Variants in FANCA observed in about 807,000 individuals in gnomAD.
FANCA encodes the protein FA complementation group A.
Under a neutral mutation model 194.3 loss-of-function variants are expected in FANCA, and 236 were observed. The observed-to-expected ratio is 1.21, with a 90% confidence interval of 1.09 to 1.35. The LOEUF is 1.35. Ranked by LOEUF, FANCA falls within the 40% of genes most tolerant of loss-of-function variation. The pLI is 0.00. For missense variants in FANCA, 2,628 were observed against 1,813.9 expected (o/e 1.45, Z -8.15); for synonymous variants, 1,014 against 715.8 (o/e 1.42, Z -6.65).
At position 89,798,911 on chromosome 16, in the gene FANCA, G is replaced by C. The variant is rs182022926; in HGVS notation, c.893+255C>G. On this transcript the variant is annotated intron_variant, in intron 10 of 42. Coordinates refer to ENST00000389301, the MANE Select transcript of FANCA (RefSeq NM_000135.4). ...AGTGAGTGGGACAAACATTGGTGCA[G>C]GACTTCCAGAGGCGGAACAGGATAC... The C allele has an allele frequency of 2.5e-6, 4 of 1,597,260 alleles. No homozygotes were observed. In the East Asian group the frequency reaches 8.9e-5, roughly 36 times the overall value.
chr16:89,794,883 C>T (rs923978402), intron 11 of FANCA, among the ~76,000 whole-genome samples: 5 of 152,178 alleles, frequency 3.3e-5, no homozygotes, highest in Admixed American at 2.6e-4. Flanking sequence ...AGAACCATGA[C>T]ACAGTCACAG....
intron 11 of FANCA, among the ~76,000 whole-genome samples, chr16:89,795,519 T>G (rs186108782): frequency 6.6e-6 from 1 of 151,768 alleles, no homozygotes; most frequent in African/African-American, 2.4e-5. Context: ...GCGCCTGTAG[T>G]CCCAGCTACT....
At chr16:89,745,446 A>C (rs527456185) in intron 35 of FANCA, among the ~76,000 whole-genome samples, 1 of 147,098 alleles carries the variant, frequency 6.8e-6, no homozygotes, top group Non-Finnish European at 1.5e-5. Flanking sequence ...AAGGGACCAC[A>C]CTCCTCTGAG....
At chr16:89,798,289 C>G (rs1449033502) in intron 10 of FANCA, 6 of 965,878 alleles carry the variant, frequency 6.2e-6, no homozygotes, top group Non-Finnish European at 6.2e-6. Flanking sequence ...ACACATCTGC[C>G]GTCCACACCG....
At chr16:89,779,771 C>T (rs1390737458) in intron 18 of FANCA, 98 bp downstream of exon 18, 3 of 1,016,492 alleles carry the variant, frequency 3.0e-6, no homozygotes, top group Non-Finnish European at 4.6e-6. Flanking sequence ...TCTGCACACC[C>T]TGCAGGCATC....
chr16:89,774,380 G>A (rs571203777), intron 21 of FANCA, among the ~76,000 whole-genome samples: 1 of 152,100 alleles, frequency 6.6e-6, no homozygotes, highest in Non-Finnish European at 1.5e-5. Flanking sequence ...TCACACCGCA[G>A]GGTACACAGC....
chr16:89,779,845 G>C, intron 18 of FANCA, 24 bp downstream of exon 18: 1 of 1,604,184 alleles, frequency 6.2e-7, no homozygotes, highest in South Asian at 1.1e-5. Flanking sequence ...AGCTGCTAGA[G>C]GCCTTTTCGG....
intron 37 of FANCA, among the ~76,000 whole-genome samples, chr16:89,741,437 T>C (rs1044712496): frequency 6.6e-6 from 1 of 152,220 alleles, no homozygotes; most frequent in African/African-American, 2.4e-5. Flanking sequence ...TGAGCTGGTG[T>C]AAGTTGTGTG....
chr16:89,763,107 C>T (rs910545473), intron 28 of FANCA, among the ~76,000 whole-genome samples: 5 of 151,882 alleles, frequency 3.3e-5, no homozygotes, highest in South Asian at 4.2e-4. Flanking sequence ...GTTAGCTGGG[C>T]GCGGTGGCGT....
At chr16:89,806,706 TC>T (rs1227539602) in intron 6 of FANCA, among the ~76,000 whole-genome samples, 5 of 152,206 alleles carry the variant, frequency 3.3e-5, no homozygotes, top group African/African-American at 9.7e-5. Context: ...CAGAAGAATT[TC>T]TCTTAGTACA....
In FANCA at chr16:89,770,166, C is replaced by T. The variant is rs1276493937; in HGVS notation, c.2316G>A (p.Gln772=). 3.2e-6 allele frequency: 5 copies of T among 1,587,140 alleles called. No homozygotes were observed. Among genetic ancestry groups the T allele is most frequent in the Non-Finnish European group, 4.3e-6 (5 of 1,167,168 alleles). Residue 772 remains glutamine (Q), a splice_region_variant and synonymous_variant, in exon 25 of 43, where the codon CAG becomes CAA. Transcript: ENST00000389301. ...TGGCCCCCATGAAGGAGAGCCTCAC[C>T]TGGTGACGGAGCAGCTGGCAGAGCC... ...LTRLCQLLRH[Q]GPSLSAPHVL...
chr16:89,797,098 T>C (rs990692638), intron 10 of FANCA, among the ~76,000 whole-genome samples: 1 of 152,068 alleles, frequency 6.6e-6, no homozygotes, highest in African/African-American at 2.4e-5. Context: ...GAGCGGAGCT[T>C]GCAGTGAGCA....
rs755104393 is a variant in FANCA at position 89,778,851 on chromosome 16, C to G, written c.1777-1G>C. Reference sequence around the variant, plus strand: ...CACGGGAGTCAGGGACTTTGGGGAGCTGTGGGAAGAGAAGAGACCTGTGAG... The same window carrying G: ...CACGGGAGTCAGGGACTTTGGGGAGGTGTGGGAAGAGAAGAGACCTGTGAG... On this transcript the variant is annotated splice_acceptor_variant, in intron 19 of 42. Transcript: ENST00000389301. LOFTEE classifies it high-confidence loss of function. 5 of 1,613,968 alleles carry G rather than the reference C, an allele frequency of 3.1e-6. No individual in the cohort carries two copies. In the East Asian group the frequency reaches 8.9e-5, roughly 29 times the overall value.
At chr16:89,788,986 G>A (rs1338314350) in intron 14 of FANCA, among the ~76,000 whole-genome samples, 2 of 151,852 alleles carry the variant, frequency 1.3e-5, no homozygotes, top group East Asian at 3.9e-4. Flanking sequence ...GTCGCCTCTG[G>A]AACCGAAGAA....
chr16:89,803,807 G>C (rs1598174329), intron 7 of FANCA, among the ~76,000 whole-genome samples: 1 of 151,988 alleles, frequency 6.6e-6, no homozygotes, highest in East Asian at 1.9e-4. Flanking sequence ...TTTTAGTAGA[G>C]ATGGGGTTTC....
At chr16:89,749,214 G>A (rs929325046) in intron 32 of FANCA, among the ~76,000 whole-genome samples, 8 of 150,880 alleles carry the variant, frequency 5.3e-5, no homozygotes, top group African/African-American at 1.9e-4. Context: ...GAGCAGGAAG[G>A]TTTTGTTGTT....
intron 5 of FANCA, among the ~76,000 whole-genome samples, chr16:89,809,113 A>G (rs55732082): frequency 6.6e-6 from 1 of 151,908 alleles, no homozygotes; most frequent in Non-Finnish European, 1.5e-5. Context: ...TCACCGTGTT[A>G]GCCAGGATGG....
rs1481439086 is a variant in FANCA, at chr16:89,738,334, G to A, written c.*267C>T. 1 of 1,498,492 alleles carries A rather than the reference G, an allele frequency of 6.7e-7. No homozygotes were observed. The highest frequency in any genetic ancestry group is 8.9e-7 in the Non-Finnish European group (1 of 1,124,102). The allele number at this position is 1,498,492 out of a possible 1,614,324, so 92.8% of individuals were successfully genotyped here. On this transcript the variant is annotated 3_prime_UTR_variant, in exon 43 of 43. Coordinates refer to ENST00000389301, the MANE Select transcript of FANCA (RefSeq NM_000135.4). ...CCCTTCGTGTGCACCCGCATGGGAGGGTCGGAGGGTGCTGCCCGCCCTTGG... is the reference window on the plus strand; with the variant it reads ...CCCTTCGTGTGCACCCGCATGGGAGAGTCGGAGGGTGCTGCCCGCCCTTGG...
At chr16:89,786,072 G>A (rs1434211587) in intron 14 of FANCA, among the ~76,000 whole-genome samples, 3 of 147,288 alleles carry the variant, frequency 2.0e-5, no homozygotes, top group South Asian at 4.3e-4. Context: ...AGGCTGGAGT[G>A]CAACGGTGCA....
Sources: allele counts gnomAD v4.1 joint callset (sites outside exome capture counted in the v4.1 genomes callset), GRCh38; gene constraint gnomAD v4.1.1; transcripts MANE v1.5; gene names NCBI Gene and HGNC (gene_info 2026-07-23, HGNC 2026-07-21).